The following TGFBRAP1 variants were observed in gnomAD, a reference collection of about 807,000 sequenced individuals.
TGFBRAP1 encodes transforming growth factor beta receptor associated protein 1, also known as transforming growth factor-beta receptor-associated protein 1.
In TGFBRAP1, 20 loss-of-function variants were observed where a neutral mutation model predicts 83.2. That is an observed-to-expected ratio of 0.24 (90% confidence interval 0.17 to 0.35). The LOEUF (loss-of-function observed/expected upper bound fraction) is 0.35. Among genes scored for constraint, TGFBRAP1 ranks in the 10% least tolerant of loss-of-function variants. The probability of loss-of-function intolerance (pLI) is 1.00; values close to 1 mark genes in which losing one functional copy is unlikely to be tolerated. For synonymous variants in TGFBRAP1, 415 were observed against 459.8 expected (o/e 0.90, Z 1.25); for missense variants, 950 against 1,099.4 (o/e 0.86, Z 1.92).
In TGFBRAP1 at chr2:105,290,616, AGTGTGTGTGTGT is replaced by A. The variant is rs3060065; in HGVS notation, c.1038+5728_1038+5739del. The stretch of plus-strand genomic sequence containing the variant: ...GAGAGAAAGAGAGAAACAGAGAGAC[AGTGTGTGTGTGT>A]GTGTGTGTGTGTGTGTGTGTGTGTG... On this transcript the variant is annotated intron_variant, in intron 4 of 11. Transcript: ENST00000393359. Among the ~76,000 whole-genome samples the A allele has an allele frequency of 1.1e-3, 154 of 140,096 alleles. 1 individual carries two copies. The highest frequency in any genetic ancestry group is 4.7e-3 in the East Asian group (23 of 4,852). The allele number at this position is 140,096 out of a possible 152,430, so 91.9% of individuals were successfully genotyped here. A position where few individuals can be genotyped will look rare whatever the true frequency, so the allele number is the denominator to read the frequency against.
At chr2:105,306,274 A>G (rs1048363210) in intron 2 of TGFBRAP1, among the ~76,000 whole-genome samples, 1 of 148,244 alleles carries the variant, frequency 6.7e-6, no homozygotes, top group Non-Finnish European at 1.5e-5. Context: ...GTTGGTCAGG[A>G]TGGTCTCGAA....
chr2:105,263,591 CG>C (rs11347107), downstream of TGFBRAP1, among the ~76,000 whole-genome samples: 19,831 of 152,134 alleles, frequency 0.13, 1,625 homozygotes, highest in Non-Finnish European at 0.19. Flanking sequence ...TCAGAATACT[CG>C]GGGGGCCAAG....
intron 4 of TGFBRAP1, among the ~76,000 whole-genome samples, chr2:105,291,045 T>G (rs1354056571): frequency 6.6e-6 from 1 of 152,096 alleles, no homozygotes; most frequent in Non-Finnish European, 1.5e-5. Context: ...AACCAAGGTA[T>G]CTGGGAAGGT....
chr2:105,329,643 T>TCCCGCGCCGC lies in TGFBRAP1; in HGVS notation c.-46_-37dup, dbSNP rs1301769566. ...CACTCACCGGCGCCGGCGCCCGCCG[T>TCCCGCGCCGC]CCCGCGCCGCCCCGCGGCCTGGGGC... is the stretch of plus-strand genomic sequence containing the variant. On this transcript the variant is annotated 5_prime_UTR_variant, in exon 1 of 12. Coordinates refer to ENST00000393359, the MANE Select transcript of TGFBRAP1 (RefSeq NM_004257.6). 5 of 143,898 alleles carry TCCCGCGCCGC rather than the reference T, an allele frequency of 3.5e-5. No individual in the cohort carries two copies. The highest frequency in any genetic ancestry group is 7.7e-5 in the Non-Finnish European group (5 of 64,624). The allele number at this position is 143,898 out of a possible 1,614,324, so 8.9% of individuals were successfully genotyped here.
chr2:105,306,982 G>A (rs372512973), intron 2 of TGFBRAP1, among the ~76,000 whole-genome samples: 4 of 152,172 alleles, frequency 2.6e-5, no homozygotes, highest in African/African-American at 7.2e-5. Context: ...TCCAACACCG[G>A]CTGTACATGT....
intron 5 of TGFBRAP1, among the ~76,000 whole-genome samples, chr2:105,281,062 C>T (rs2241800): frequency 0.18 from 26,799 of 152,150 alleles, 2,903 homozygotes; most frequent in East Asian, 0.51. Context: ...CAGGATAACA[C>T]GCCATCAGAG....
At chr2:105,284,494 T>G (rs112350121) in intron 4 of TGFBRAP1, 96 bp from the exon 5 acceptor site, 5 of 1,089,954 alleles carry the variant, frequency 4.6e-6, no homozygotes, top group Non-Finnish European at 6.9e-6. Flanking sequence ...CGTTATAACA[T>G]AGAAATGTAA....
chr2:105,268,126 TA>T (rs1228893124), intron 11 of TGFBRAP1, among the ~76,000 whole-genome samples: 1 of 152,196 alleles, frequency 6.6e-6, no homozygotes, highest in African/African-American at 2.4e-5. Context: ...CTGAAAGTTA[TA>T]AAGTTTTTCT....
At chr2:105,322,377 G>A (rs1056662871) in intron 1 of TGFBRAP1, among the ~76,000 whole-genome samples, 2 of 152,182 alleles carry the variant, frequency 1.3e-5, no homozygotes, top group South Asian at 2.1e-4. Context: ...TGTAGCCTAA[G>A]TGTACAATAT....
At chr2:105,310,905 T>C (rs1164155199) in intron 1 of TGFBRAP1, among the ~76,000 whole-genome samples, 1 of 152,136 alleles carries the variant, frequency 6.6e-6, no homozygotes, top group Non-Finnish European at 1.5e-5. Context: ...CCATTTAAAA[T>C]ATAAATTGTG....
downstream of TGFBRAP1, among the ~76,000 whole-genome samples, chr2:105,261,430 G>A (rs981474254): frequency 3.9e-5 from 6 of 152,278 alleles, no homozygotes; most frequent in Non-Finnish European, 7.4e-5. Context: ...GAAAGAGGAA[G>A]GACTTGTGAA....
chr2:105,308,126 C>T lies in TGFBRAP1; in HGVS notation c.176G>A (p.Gly59Glu). 2 of 1,614,116 alleles carry T rather than the reference C, an allele frequency of 1.2e-6. No individual in the cohort carries two copies. The highest frequency in any genetic ancestry group is 1.7e-6 in the Non-Finnish European group (2 of 1,180,032). ...TTTGGTGGCAGTGAACGTGGCTGGC[C>T]CAGCAGGCACTGGCCTCTCCTCCAA... ...FLLEERPVPAGPATFTATKQL... is the reference protein window; with the variant it reads ...FLLEERPVPAEPATFTATKQL... Residue 59 changes from glycine (G) to glutamate (E), a missense_variant, in exon 2 of 12, where the codon GGG becomes GAG. Physicochemically the swap from Gly to Glu is moderately conservative, Grantham distance 98. Coordinates refer to ENST00000393359, the MANE Select transcript of TGFBRAP1 (RefSeq NM_004257.6).
chr2:105,294,982 G>A (rs989437915), intron 4 of TGFBRAP1, among the ~76,000 whole-genome samples: 1 of 152,140 alleles, frequency 6.6e-6, no homozygotes, highest in Non-Finnish European at 1.5e-5. Context: ...AGCACATGCG[G>A]CAGTGGCAGG....
the TGFBRAP1 span, among the ~76,000 whole-genome samples, chr2:105,257,285 T>C: frequency 1.3e-5 from 2 of 152,210 alleles, no homozygotes; most frequent in African/African-American, 4.8e-5. Flanking sequence ...TGGTAAAATA[T>C]ACATAACATT....
downstream of TGFBRAP1, among the ~76,000 whole-genome samples, chr2:105,263,888 T>C (rs192614508): frequency 1.1e-3 from 168 of 151,986 alleles, 1 homozygote; most frequent in Non-Finnish European, 1.3e-3. Flanking sequence ...TTCCATCTCA[T>C]AAAAAACAAA....
the TGFBRAP1 span, among the ~76,000 whole-genome samples, chr2:105,255,063 G>A: frequency 3.9e-5 from 6 of 152,130 alleles, no homozygotes; most frequent in East Asian, 3.8e-4. Context: ...ACAGATACTC[G>A]GAGGCAAACT....
At chr2:105,295,895 T>C (rs1319602038) in intron 4 of TGFBRAP1, among the ~76,000 whole-genome samples, 1 of 151,980 alleles carries the variant, frequency 6.6e-6, no homozygotes, top group African/African-American at 2.4e-5. Flanking sequence ...GCAAAATGGT[T>C]ATCAATATGT....
intron 1 of TGFBRAP1, among the ~76,000 whole-genome samples, chr2:105,317,711 A>G (rs2104412587): frequency 6.6e-6 from 1 of 152,286 alleles, no homozygotes; most frequent in East Asian, 1.9e-4. Flanking sequence ...AGATAAGGGG[A>G]AAAGGGGGCT....
rs567605574 is a variant in TGFBRAP1, at chr2:105,321,235, C to T, written c.-18+8390G>A. ...AGGCTGCAGTGCAGTGGCACGGTCT[C>T]GGCTCACTGCAACCTCTGCCTCCCA... On this transcript the variant is annotated intron_variant, in intron 1 of 11. Coordinates refer to ENST00000393359, the MANE Select transcript of TGFBRAP1 (RefSeq NM_004257.6). 1.9e-3 allele frequency among the ~76,000 whole-genome samples: 289 copies of T among 151,880 alleles called. 1 individual carries two copies. Among genetic ancestry groups the T allele is most frequent in the Non-Finnish European group, 3.3e-3 (226 of 67,988 alleles).
Sources: gnomAD v4.1 joint callset for allele counts (sites outside exome capture counted in the v4.1 genomes callset) on GRCh38, gnomAD v4.1.1 for gene constraint, MANE v1.5 for transcripts, NCBI Gene and HGNC (gene_info 2026-07-23, HGNC 2026-07-21) for gene names.